MYO16: variants seen among roughly 807,000 people sequenced by gnomAD.
MYO16 encodes the protein myosin XVI.
MYO16 carries 94 observed loss-of-function variants against 205.3 expected under a neutral mutation model. The ratio of observed to expected loss-of-function variants is 0.46; its 90% confidence interval spans 0.39 to 0.54. The LOEUF is 0.54. Ranked by LOEUF, MYO16 falls within the 20% of genes least tolerant of loss-of-function variation. The pLI is 0.00. For synonymous variants in MYO16, 988 were observed against 954.0 expected (o/e 1.04, Z -0.66); for missense variants, 2,315 against 2,387.5 (o/e 0.97, Z 0.63).
intron 15 of MYO16, among the ~76,000 whole-genome samples, chr13:108,908,972 C>T (rs1024772310): frequency 1.5e-4 from 17 of 111,630 alleles, no homozygotes; most frequent in Non-Finnish European, 3.4e-4. Flanking sequence ...GACTGTGTCT[C>T]AAAAAAAATA....
chr13:109,071,278 G>A (rs1158152777), intron 27 of MYO16, among the ~76,000 whole-genome samples: 1 of 152,034 alleles, frequency 6.6e-6, no homozygotes, highest in African/African-American at 2.4e-5. Context: ...CCCAACTACT[G>A]TCTCTACAGT....
At chr13:108,587,027 C>G in the MYO16 span, among the ~76,000 whole-genome samples, 1 of 152,168 alleles carries the variant, frequency 6.6e-6, no homozygotes, top group African/African-American at 2.4e-5. Flanking sequence ...GCAAGTGTTG[C>G]TAAGGACAAA....
Position 109,127,284 on chromosome 13 carries a change from C to G in MYO16, c.3785C>G (p.Thr1262Ser), listed in dbSNP as rs1388868849. Residue 1262 changes from threonine to serine, a missense_variant and splice_region_variant, in exon 31 of 35, where the codon ACC becomes AGC. Transcript: ENST00000457511. The surrounding 1 kb of genome is among the most constrained non-coding windows in gnomAD (Gnocchi z 4.2). ...RNMQEEGSKR[T>S]DDKSGPRHFH... Reference sequence around the variant, plus strand: ...TTTGTGTTTTGTTTCCCCCTAAGAACCGATGACAAGAGTGGACCCAGGCAT... The same window carrying G: ...TTTGTGTTTTGTTTCCCCCTAAGAAGCGATGACAAGAGTGGACCCAGGCAT... 1 of 1,576,922 alleles carries G rather than the reference C, an allele frequency of 6.3e-7. No individual in the cohort carries two copies. The highest frequency in any genetic ancestry group is 1.2e-5 in the South Asian group (1 of 86,790).
At chr13:108,719,639 T>C (rs558571529) in intron 3 of MYO16, among the ~76,000 whole-genome samples, 2 of 152,288 alleles carry the variant, frequency 1.3e-5, no homozygotes, top group Admixed American at 6.5e-5. Context: ...CTAACAGATA[T>C]ATGAATGTCT....
chr13:108,594,421 C>T (rs1319462553), upstream of MYO16, among the ~76,000 whole-genome samples: 2 of 152,296 alleles, frequency 1.3e-5, no homozygotes, highest in African/African-American at 4.8e-5. Context: ...AGCACTGGCA[C>T]TCTTTCCCTC....
intron 3 of MYO16, among the ~76,000 whole-genome samples, chr13:108,720,316 G>C (rs1232110805): frequency 1.3e-5 from 2 of 152,118 alleles, no homozygotes; most frequent in Non-Finnish European, 2.9e-5. Context: ...AAAAACAAGC[G>C]TATGGAAGTT....
At chr13:109,157,412 T>G (rs1393583304) in intron 32 of MYO16, among the ~76,000 whole-genome samples, 3 of 152,072 alleles carry the variant, frequency 2.0e-5, no homozygotes, top group Non-Finnish European at 4.4e-5. Context: ...ACGAGTGCAG[T>G]CAGCTCTGCC....
At chr13:109,062,431 G>T (rs1887621333) in intron 27 of MYO16, among the ~76,000 whole-genome samples, 1 of 152,130 alleles carries the variant, frequency 6.6e-6, no homozygotes, top group African/African-American at 2.4e-5. Context: ...TGAGTAAAAA[G>T]GAATAGTGAG....
At chr13:108,568,762 C>T in the MYO16 span, among the ~76,000 whole-genome samples, 4 of 151,644 alleles carry the variant, frequency 2.6e-5, no homozygotes, top group Non-Finnish European at 4.4e-5. Flanking sequence ...TCTAAAAAAC[C>T]GTTTCCTAAT....
chr13:108,675,560 A>G (rs1249010675), intron 2 of MYO16, among the ~76,000 whole-genome samples: 1 of 152,186 alleles, frequency 6.6e-6, no homozygotes, highest in East Asian at 1.9e-4. Context: ...AGAATAATTG[A>G]AAAAAGAGGA....
intron 10 of MYO16, among the ~76,000 whole-genome samples, chr13:108,853,192 A>G (rs1029754910): frequency 3.3e-5 from 5 of 152,224 alleles, no homozygotes; most frequent in South Asian, 4.1e-4. Flanking sequence ...CTCGGTGCCT[A>G]TGAGACTCCG....
intron 1 of MYO16, among the ~76,000 whole-genome samples, chr13:108,647,287 T>C (rs1353564231): frequency 6.6e-6 from 1 of 152,156 alleles, no homozygotes; most frequent in East Asian, 1.9e-4. Context: ...CACCCAGAAT[T>C]AGTGCATATG....
At chr13:108,636,264 C>T (rs1325016455) in intron 1 of MYO16, among the ~76,000 whole-genome samples, 1 of 151,262 alleles carries the variant, frequency 6.6e-6, no homozygotes, top group Non-Finnish European at 1.5e-5. Context: ...GTGTTCATGA[C>T]AGTCTTAGAT....
chr13:108,868,746 C>A (rs893675815), intron 12 of MYO16, among the ~76,000 whole-genome samples: 8 of 151,850 alleles, frequency 5.3e-5, no homozygotes, highest in Non-Finnish European at 8.8e-5. Flanking sequence ...GAAGATGAAA[C>A]CCCATCTCTA....
intron 27 of MYO16, among the ~76,000 whole-genome samples, chr13:109,072,335 C>G (rs1287732946): frequency 9.9e-5 from 15 of 152,160 alleles, no homozygotes; most frequent in Non-Finnish European, 1.5e-5. Flanking sequence ...GCTCTTCCCA[C>G]TATCCCATAA....
intron 31 of MYO16, among the ~76,000 whole-genome samples, chr13:109,138,995 T>G (rs1402314115): frequency 6.6e-6 from 1 of 152,038 alleles, no homozygotes; most frequent in Admixed American, 6.5e-5. Flanking sequence ...ATTTTTTGTA[T>G]TTTTAGTAGA....
At chr13:108,929,337 A>G (rs1371616141) in intron 16 of MYO16, among the ~76,000 whole-genome samples, 2 of 152,226 alleles carry the variant, frequency 1.3e-5, no homozygotes, top group African/African-American at 2.4e-5. Context: ...ACATATGTGG[A>G]AAGATGCATA....
intron 24 of MYO16, among the ~76,000 whole-genome samples, chr13:109,051,802 C>A (rs1032000424): frequency 2.0e-5 from 3 of 152,156 alleles, no homozygotes; most frequent in African/African-American, 7.2e-5. Flanking sequence ...AAGGACACTT[C>A]TTTTCCCTTC....
At chr13:108,879,365 T>G (rs7339095) in intron 12 of MYO16, among the ~76,000 whole-genome samples, 16,454 of 150,878 alleles carry the variant, frequency 0.11, 1,079 homozygotes, top group South Asian at 0.27. Context: ...AACATCAACC[T>G]TTTTTTTATT....
Sources: gnomAD v4.1 joint callset for allele counts (sites outside exome capture counted in the v4.1 genomes callset) on GRCh38, gnomAD v4.1.1 for gene constraint, Gnocchi (gnomAD v3.1) non-coding constraint, MANE v1.5 for transcripts, NCBI Gene and HGNC (gene_info 2026-07-23, HGNC 2026-07-21) for gene names.